SPRED2: variants seen among roughly 807,000 people sequenced by gnomAD.
SPRED2 encodes the protein sprouty-related, EVH1 domain-containing protein 2.
In SPRED2, 47 loss-of-function variants were observed where a neutral mutation model predicts 43.0. The observed-to-expected ratio is 1.09, with a 90% CI of 0.87 to 1.40. SPRED2 has a LOEUF of 1.40. Ranked by LOEUF, SPRED2 falls within the 40% of genes most tolerant of loss-of-function variation. SPRED2 has a pLI of 0.00. For synonymous variants in SPRED2, 225 were observed against 225.7 expected (o/e 1.00, Z 0.03); for missense variants, 561 against 586.4 (o/e 0.96, Z 0.45).
At chr2:65,325,732 G>A (rs570679755) in intron 4 of SPRED2, among the ~76,000 whole-genome samples, 118 of 152,342 alleles carry the variant, frequency 7.7e-4, no homozygotes, top group African/African-American at 2.4e-3. Context: ...CCTGAGGTCA[G>A]GAGTTGGAGA....
chr2:65,391,986 A>C (rs1046712214), intron 1 of SPRED2, among the ~76,000 whole-genome samples: 1 of 151,944 alleles, frequency 6.6e-6, no homozygotes, highest in Non-Finnish European at 1.5e-5. Context: ...TTTTTTTAAA[A>C]AGTATTAAGT....
rs548444588 is a variant in SPRED2 at position 65,316,871 on chromosome 2, T to G, written c.451A>C (p.Ser151Arg). Residue 151 changes from serine to arginine, a missense_variant, in exon 5 of 6, where the codon AGT becomes CGT. Coordinates refer to ENST00000356388, the MANE Select transcript of SPRED2 (RefSeq NM_181784.3). ...CTCTTCTGAGAGGAATTAGAAGAAC[T>G]GTCTGTAGCTGTCTGTGTAGAGGGA... Reference protein sequence around the residue: ...DDDVFTTATDSSSNSSQKREQ... With the variant: ...DDDVFTTATDRSSNSSQKREQ... 6.2e-7 allele frequency: 1 copy of G among 1,613,740 alleles called. No homozygotes were observed. The highest frequency in any genetic ancestry group is 1.1e-5 in the South Asian group (1 of 90,968).
chr2:65,387,597 T>C (rs746934656), intron 1 of SPRED2, among the ~76,000 whole-genome samples: 10 of 152,220 alleles, frequency 6.6e-5, no homozygotes, highest in Non-Finnish European at 1.5e-4. Context: ...GGTATTTGTG[T>C]GCATACTAAC....
chr2:65,340,460 C>T (rs1216399801), intron 2 of SPRED2, among the ~76,000 whole-genome samples: 2 of 152,212 alleles, frequency 1.3e-5, no homozygotes, highest in Non-Finnish European at 2.9e-5. Flanking sequence ...CGCTGACCTA[C>T]ACATGGGCAA....
At chr2:65,346,015 C>T (rs547564902) in intron 1 of SPRED2, among the ~76,000 whole-genome samples, 9 of 152,232 alleles carry the variant, frequency 5.9e-5, no homozygotes, top group East Asian at 1.9e-4. Context: ...ATATGCCAGG[C>T]GTTATAACAG....
chr2:65,337,296 T>C (rs1318389063), intron 2 of SPRED2, among the ~76,000 whole-genome samples: 2 of 152,154 alleles, frequency 1.3e-5, no homozygotes, highest in African/African-American at 2.4e-5. Flanking sequence ...GGTGAAGTTT[T>C]GGCACGCACA....
intron 1 of SPRED2, among the ~76,000 whole-genome samples, chr2:65,385,907 T>A (rs1444872399): frequency 3.3e-5 from 5 of 152,038 alleles, no homozygotes; most frequent in African/African-American, 1.2e-4. Context: ...AATGTTCAGG[T>A]AAAGTTGATT....
At chr2:65,394,636 T>C (rs1675712078) in intron 1 of SPRED2, among the ~76,000 whole-genome samples, 1 of 152,192 alleles carries the variant, frequency 6.6e-6, no homozygotes, top group Non-Finnish European at 1.5e-5. Flanking sequence ...GACAGGGCTT[T>C]GTCCCCTGTG....
rs139226404 is a variant in SPRED2, at chr2:65,407,664, A to C, written c.26+24298T>G. ...CTGGTTTGGTTAAACCAAAAGATCA[A>C]CTCTCCTCAGCTGGATCACTTGTCC... On this transcript the variant is annotated intron_variant, in intron 1 of 5. Coordinates refer to ENST00000356388, the MANE Select transcript of SPRED2 (RefSeq NM_181784.3). Among the ~76,000 whole-genome samples, 75 of 151,868 alleles carry C rather than the reference A, an allele frequency of 4.9e-4. 1 individual carries two copies. Among genetic ancestry groups the C allele is most frequent in the Admixed American group, 9.8e-4 (15 of 15,246 alleles).
chr2:65,308,513 C>CTTCA, downstream of SPRED2: 1 of 985,408 alleles, frequency 1.0e-6, no homozygotes, highest in South Asian at 4.7e-5. Flanking sequence ...TGATAATGCG[C>CTTCA]TTCAGCCTTC....
intron 3 of SPRED2, 55 bp from the exon 4 acceptor site, chr2:65,332,106 A>G (rs1673830432): frequency 6.0e-6 from 7 of 1,166,388 alleles, no homozygotes; most frequent in Non-Finnish European, 8.7e-6. Flanking sequence ...CATCAAATCC[A>G]ACCGTTTAAA....
At chr2:65,307,539 A>G (rs1672965553), downstream of SPRED2, among the ~76,000 whole-genome samples, 1 of 140,072 alleles carries the variant, frequency 7.1e-6, no homozygotes, top group Non-Finnish European at 1.6e-5. Context: ...CTATAATCAC[A>G]ACCCCTTCTC....
intron 1 of SPRED2, among the ~76,000 whole-genome samples, chr2:65,346,896 C>A (rs1258622229): frequency 6.6e-6 from 1 of 152,188 alleles, no homozygotes; most frequent in Non-Finnish European, 1.5e-5. Context: ...TGATCCCTGG[C>A]CCGATTCTTG....
At position 65,346,130 on chromosome 2, in the gene SPRED2, T is replaced by A. The variant is rs541876203; in HGVS notation, c.27-1234A>T. ...GCACTCAGAACCTGGTCCCCACAAT[T>A]GGCCAGAGACGTGGAGGCAGTCCCT... is the stretch of plus-strand genomic sequence containing the variant. On this transcript the variant is annotated intron_variant, in intron 1 of 5. Transcript: ENST00000356388. Among the ~76,000 whole-genome samples the A allele has an allele frequency of 5.9e-4, 90 of 152,208 alleles. 1 individual carries two copies. The highest frequency in any genetic ancestry group is 2.1e-3 in the African/African-American group (89 of 41,532).
intron 1 of SPRED2, among the ~76,000 whole-genome samples, chr2:65,350,063 A>G (rs1396426336): frequency 4.6e-5 from 7 of 152,234 alleles, no homozygotes; most frequent in Non-Finnish European, 7.3e-5. Flanking sequence ...TACGTTACTC[A>G]GGCACTTCAC....
chr2:65,401,937 GCACACA>G (rs1553426622), intron 1 of SPRED2, among the ~76,000 whole-genome samples: 151 of 114,758 alleles, frequency 1.3e-3, no homozygotes, highest in South Asian at 2.1e-3. Flanking sequence ...GCGCGCGCGC[GCACACA>G]CACACACACA....
intron 4 of SPRED2, among the ~76,000 whole-genome samples, chr2:65,317,685 C>G (rs547860298): frequency 1.3e-5 from 2 of 152,274 alleles, no homozygotes; most frequent in East Asian, 3.9e-4. Context: ...GGGGGGAAAT[C>G]TCCACCTGGG....
chr2:65,424,811 G>T (rs2103808431), intron 1 of SPRED2, among the ~76,000 whole-genome samples: 1 of 152,114 alleles, frequency 6.6e-6, no homozygotes, highest in East Asian at 1.9e-4. Context: ...AATTAGCCAG[G>T]TGTGGTGGCG....
chr2:65,418,921 C>CT (rs1467587821), intron 1 of SPRED2, among the ~76,000 whole-genome samples: 6 of 151,958 alleles, frequency 3.9e-5, no homozygotes, highest in Admixed American at 1.3e-4. Context: ...GAATAAAAGT[C>CT]TTTTTTTAAA....
Sources: gnomAD v4.1 joint callset for allele counts (sites outside exome capture counted in the v4.1 genomes callset) on GRCh38, gnomAD v4.1.1 for gene constraint, MANE v1.5 for transcripts, NCBI Gene and HGNC (gene_info 2026-07-23, HGNC 2026-07-21) for gene names.